PPM1G: variants seen among roughly 807,000 people sequenced by gnomAD.
PPM1G encodes protein phosphatase, Mg2+/Mn2+ dependent 1G.
In PPM1G, 12 loss-of-function variants were observed where a neutral mutation model predicts 59.4. That is an observed-to-expected ratio of 0.20 (90% CI 0.13 to 0.33). The LOEUF (loss-of-function observed/expected upper bound fraction) is 0.33, where lower values mean the gene tolerates loss of function less well. Ranked by LOEUF, PPM1G falls within the 10% of genes least tolerant of loss-of-function variation. PPM1G has a pLI of 1.00. For synonymous variants in PPM1G, 245 were observed against 251.9 expected, an observed-to-expected ratio of 0.97 and a Z score of 0.26; for missense variants, 392 against 681.3, an observed-to-expected ratio of 0.58 and a Z score of 4.73.
At chr2:27,389,664 C>T (rs762853653) in intron 1 of PPM1G, among the ~76,000 whole-genome samples, 1 of 152,132 alleles carries the variant, frequency 6.6e-6, no homozygotes, top group Non-Finnish European at 1.5e-5. Flanking sequence ...GTTTGCTAGT[C>T]ATAAAATGTT....
intron 2 of PPM1G, 42 bp downstream of exon 2, chr2:27,387,047 T>G (rs754058637): frequency 1.3e-6 from 2 of 1,491,294 alleles, no homozygotes; most frequent in Non-Finnish European, 9.4e-7. Flanking sequence ...ACGTCTGGAA[T>G]TGGGGTCCTA....
At chr2:27,396,843 G>T (rs1461656318) in intron 1 of PPM1G, among the ~76,000 whole-genome samples, 1 of 125,400 alleles carries the variant, frequency 8.0e-6, no homozygotes, top group Non-Finnish European at 1.6e-5. Context: ...GAAAAGAAAT[G>T]ACTAAGATGG....
chr2:27,402,101 G>A (rs1332568688), intron 1 of PPM1G, among the ~76,000 whole-genome samples: 6 of 149,472 alleles, frequency 4.0e-5, no homozygotes, highest in African/African-American at 1.5e-4. Flanking sequence ...AAAAGGTGTT[G>A]TTTTTCTGCT....
chr2:27,382,972 T>G lies in PPM1G; in HGVS notation c.1202-367A>C, dbSNP rs1683674673. 6.6e-6 allele frequency among the ~76,000 whole-genome samples: 1 copy of G among 151,900 alleles called. No homozygotes were observed. Among genetic ancestry groups the G allele is most frequent in the African/African-American group, 2.4e-5 (1 of 41,390 alleles). On this transcript the variant is annotated intron_variant, in intron 7 of 9. Coordinates refer to ENST00000344034, the MANE Select transcript of PPM1G (RefSeq NM_177983.3). The surrounding 1 kb of genome is among the most constrained non-coding windows in gnomAD (Gnocchi z 4.2). ...TCCTGAGTAGCTGGGATTACAGGCT[T>G]GCACTACCATGCCCAGCTAATTTTT...
chr2:27,395,840 CAAA>C (rs1048753961), intron 1 of PPM1G, among the ~76,000 whole-genome samples: 1 of 57,094 alleles, frequency 1.8e-5, no homozygotes. Context: ...AAGACCGTCT[CAAA>C]AAAAAAAAAA....
intron 1 of PPM1G, among the ~76,000 whole-genome samples, chr2:27,403,582 C>G (rs181459197): frequency 4.6e-5 from 7 of 152,010 alleles, no homozygotes; most frequent in Non-Finnish European, 1.0e-4. Flanking sequence ...AGTTGCTAAC[C>G]ACATTCTAGA....
At position 27,383,673 on chromosome 2, in the gene PPM1G, C is replaced by A; in HGVS notation, c.967-73G>T. 1 of 1,421,358 alleles carries A rather than the reference C, an allele frequency of 7.0e-7. No homozygotes were observed. The highest frequency in any genetic ancestry group is 1.3e-5 in the South Asian group (1 of 76,940). The allele number at this position is 1,421,358 out of a possible 1,614,324, so 88.0% of individuals were successfully genotyped here. On this transcript the variant is annotated intron_variant, in intron 6 of 9. Coordinates refer to ENST00000344034, the MANE Select transcript of PPM1G (RefSeq NM_177983.3). The surrounding 1 kb of genome is among the most constrained non-coding windows in gnomAD (Gnocchi z 5.0). ...CCTCACTGATGTGCTCCTGATCGTTCACCTATGCTTGCTTTCACTGGGACC... is the reference window on the plus strand; with the variant it reads ...CCTCACTGATGTGCTCCTGATCGTTAACCTATGCTTGCTTTCACTGGGACC...
intron 1 of PPM1G, among the ~76,000 whole-genome samples, chr2:27,393,827 A>G (rs995423412): frequency 6.6e-6 from 1 of 152,014 alleles, no homozygotes; most frequent in African/African-American, 2.4e-5. Flanking sequence ...AAGCGGCGCA[A>G]TCTCGGCTCA....
rs982604464 is a variant in PPM1G, at chr2:27,382,414, G to C, written c.1331+62C>G. The C allele has an allele frequency of 6.9e-6, 11 of 1,605,714 alleles. No individual in the cohort carries two copies. The highest frequency in any genetic ancestry group is 5.1e-5 in the Admixed American group (3 of 59,302). ...TAGGCTCTAATCCTAGAGGTGCCCT[G>C]AGTCCTATAAGAGAAGACATGCTGC... On this transcript the variant is annotated intron_variant, in intron 8 of 9. Transcript: ENST00000344034. This position sits in a 1 kb window ranked among gnomAD's most constrained non-coding sequence, Gnocchi z 4.2.
At chr2:27,387,180 C>G (rs977887896) in intron 1 of PPM1G, 22 bp from the exon 2 acceptor site, 5 of 1,591,118 alleles carry the variant, frequency 3.1e-6, no homozygotes, top group Non-Finnish European at 4.3e-6. Context: ...AGAGCATAAT[C>G]GGCATGTCTC....
intron 1 of PPM1G, among the ~76,000 whole-genome samples, chr2:27,402,838 A>G (rs949132164): frequency 6.7e-6 from 1 of 148,158 alleles, no homozygotes; most frequent in Non-Finnish European, 1.5e-5. Context: ...ATAAATAAAT[A>G]AATAAATAAA....
At chr2:27,388,618 G>A (rs1196504779) in intron 1 of PPM1G, among the ~76,000 whole-genome samples, 1 of 152,064 alleles carries the variant, frequency 6.6e-6, no homozygotes, top group Non-Finnish European at 1.5e-5. Context: ...GCTCACTCCT[G>A]TAATCCCAGC....
intron 1 of PPM1G, 129 bp downstream of exon 1, chr2:27,409,174 C>T (rs548506917): frequency 1.5e-6 from 2 of 1,330,468 alleles, no homozygotes; most frequent in South Asian, 1.6e-5. Context: ...TCTGTCGCCC[C>T]GCAAACGGCC....
At chr2:27,394,793 AT>A in intron 1 of PPM1G, among the ~76,000 whole-genome samples, 2 of 150,528 alleles carry the variant, frequency 1.3e-5, no homozygotes, top group Non-Finnish European at 3.0e-5. Flanking sequence ...ATGATATTTC[AT>A]TTTCCAGGAG....
chr2:27,387,024 T>C (rs529963082), intron 2 of PPM1G, 65 bp downstream of exon 2: 1 of 1,309,382 alleles, frequency 7.6e-7, no homozygotes, highest in Non-Finnish European at 1.1e-6. Context: ...AAGGGACCTG[T>C]TCTTGCCCTG....
In PPM1G at chr2:27,382,113, C is replaced by T; in HGVS notation, c.1434+13G>A. 12 of 1,610,746 alleles carry T rather than the reference C, an allele frequency of 7.4e-6. No individual in the cohort carries two copies. Among genetic ancestry groups the T allele is most frequent in the Non-Finnish European group, 1.0e-5 (12 of 1,176,972 alleles). On this transcript the variant is annotated intron_variant, in intron 9 of 9. Transcript: ENST00000344034. The surrounding 1 kb of genome is among the most constrained non-coding windows in gnomAD (Gnocchi z 4.2). ...CAGACCAGACACCCTCTCTTCTCCA[C>T]CCTGGTACTCACCTCTTCCACAATG...
At chr2:27,393,404 G>C in intron 1 of PPM1G, 1 of 1,326,088 alleles carries the variant, frequency 7.5e-7, no homozygotes, top group Non-Finnish European at 1.1e-6. Context: ...AGCGGCAGTG[G>C]TGGCTACGCG....
intron 1 of PPM1G, among the ~76,000 whole-genome samples, chr2:27,403,753 T>C (rs1338610498): frequency 6.6e-6 from 1 of 151,924 alleles, no homozygotes; most frequent in Non-Finnish European, 1.5e-5. Context: ...CCAAGTGTCG[T>C]GGCACATGCC....
chr2:27,400,437 A>T (rs1011770531), intron 1 of PPM1G, among the ~76,000 whole-genome samples: 4 of 151,986 alleles, frequency 2.6e-5, no homozygotes, highest in African/African-American at 9.7e-5. Context: ...AATTATGCTT[A>T]GGCACAACTA....
Sources: allele counts gnomAD v4.1 joint callset (sites outside exome capture counted in the v4.1 genomes callset), GRCh38; gene constraint gnomAD v4.1.1; non-coding constraint Gnocchi (gnomAD v3.1); transcripts MANE v1.5; gene names NCBI Gene and HGNC (gene_info 2026-07-23, HGNC 2026-07-21).